Variants in EXT2 observed in about 807,000 individuals in gnomAD.
EXT2 encodes exostosin glycosyltransferase 2, also known as exostosin-2.
In EXT2, 53 loss-of-function variants were observed where a neutral mutation model predicts 81.6. That is an observed-to-expected ratio of 0.65 (90% CI 0.52 to 0.82). EXT2 has a LOEUF of 0.82. EXT2 is among the 40% of genes least tolerant of loss of function. EXT2 has a pLI of 0.00. For missense variants in EXT2, 774 were observed against 910.2 expected (o/e 0.85, Z 1.93); for synonymous variants, 320 against 340.0 (o/e 0.94, Z 0.65).
chr11:44,165,024 G>T (rs1380456913), intron 7 of EXT2, among the ~76,000 whole-genome samples: 1 of 151,626 alleles, frequency 6.6e-6, no homozygotes, highest in African/African-American at 2.4e-5. Flanking sequence ...GACTACAGGC[G>T]CCCGCCACCA....
At chr11:44,133,565 A>G (rs1327658049) in intron 7 of EXT2, among the ~76,000 whole-genome samples, 1 of 152,100 alleles carries the variant, frequency 6.6e-6, no homozygotes, top group Admixed American at 6.5e-5. Context: ...TAATTAACTC[A>G]TTTTCCCTCT....
rs1956120645 is a variant in EXT2 at position 44,249,189 on chromosome 11, G to A, written c.*4902G>A. ...TCTTTTAATTTTTTTGGAGAGACAG[G>A]GCCTCACTATGTTGCCTAGGCTGGT... On this transcript the variant is annotated 3_prime_UTR_variant, in exon 14 of 14. Coordinates refer to ENST00000533608, the MANE Select transcript of EXT2 (RefSeq NM_207122.2). Among the ~76,000 whole-genome samples the A allele has an allele frequency of 6.6e-6, 1 of 151,940 alleles. No homozygotes were observed. Among genetic ancestry groups the A allele is most frequent in the Non-Finnish European group, 1.5e-5 (1 of 67,996 alleles).
intron 10 of EXT2, among the ~76,000 whole-genome samples, chr11:44,215,349 T>C (rs549178320): frequency 4.6e-5 from 7 of 152,386 alleles, no homozygotes; most frequent in Middle Eastern, 3.4e-3. Flanking sequence ...CATTGTATTA[T>C]CTTCTTTGAC....
intron 10 of EXT2, among the ~76,000 whole-genome samples, chr11:44,216,988 G>T (rs1590655876): frequency 6.9e-6 from 1 of 145,264 alleles, no homozygotes; most frequent in African/African-American, 2.6e-5. Context: ...CACAAACAAG[G>T]CTGCGGCACA....
At chr11:44,176,123 C>T (rs1955154565) in intron 8 of EXT2, among the ~76,000 whole-genome samples, 1 of 152,150 alleles carries the variant, frequency 6.6e-6, no homozygotes, top group Non-Finnish European at 1.5e-5. Context: ...AAAAATATTA[C>T]ATCTGTTCCT....
chr11:44,168,743 G>A (rs1183215888), intron 7 of EXT2, among the ~76,000 whole-genome samples: 3 of 152,070 alleles, frequency 2.0e-5, no homozygotes. Flanking sequence ...CCTATCAAAA[G>A]TATCCTTCAA....
At chr11:44,107,166 T>TA (rs1445432363) in intron 1 of EXT2, among the ~76,000 whole-genome samples, 47 of 151,702 alleles carry the variant, frequency 3.1e-4, no homozygotes, top group African/African-American at 1.1e-3. Context: ...GTTAAATATA[T>TA]GCAGTATTAA....
At chr11:44,226,307 A>T (rs1222948412) in intron 10 of EXT2, among the ~76,000 whole-genome samples, 1 of 152,232 alleles carries the variant, frequency 6.6e-6, no homozygotes, top group African/African-American at 2.4e-5. Context: ...TCTCGGACAG[A>T]CTAAAGTGAT....
intron 7 of EXT2, among the ~76,000 whole-genome samples, chr11:44,164,942 G>A (rs1003400517): frequency 6.6e-6 from 1 of 150,442 alleles, no homozygotes; most frequent in Non-Finnish European, 1.5e-5. Context: ...GCAGTGGCGG[G>A]ATCTCGGCTC....
intron 13 of EXT2, among the ~76,000 whole-genome samples, chr11:44,242,148 C>T (rs1335846835): frequency 2.6e-5 from 4 of 152,332 alleles, no homozygotes; most frequent in East Asian, 1.9e-4. Context: ...TTCTTTAATA[C>T]GTACTTGCTA....
chr11:44,205,079 G>T (rs1471920018), intron 9 of EXT2, among the ~76,000 whole-genome samples: 3 of 152,266 alleles, frequency 2.0e-5, no homozygotes, highest in African/African-American at 7.2e-5. Flanking sequence ...ACAGACTTAG[G>T]TTCAAATACT....
intron 7 of EXT2, among the ~76,000 whole-genome samples, chr11:44,147,235 A>C (rs562577317): frequency 2.9e-4 from 44 of 152,330 alleles, no homozygotes; most frequent in African/African-American, 6.3e-4. Context: ...GCAATTTTTT[A>C]AAAACCTTTT....
intron 4 of EXT2, 93 bp downstream of exon 4, chr11:44,114,394 A>G (rs1289231386): frequency 1.8e-6 from 2 of 1,110,584 alleles, no homozygotes; most frequent in African/African-American, 3.1e-5. Context: ...CAACCAATAC[A>G]TCAGTTACAG....
intron 8 of EXT2, among the ~76,000 whole-genome samples, chr11:44,185,208 A>G (rs1343328389): frequency 4.6e-5 from 7 of 152,182 alleles, no homozygotes; most frequent in Admixed American, 3.3e-4. Context: ...CATGAGCGTT[A>G]AAACCAACTA....
At chr11:44,118,408 GA>G (rs1954253539) in intron 4 of EXT2, among the ~76,000 whole-genome samples, 1 of 151,846 alleles carries the variant, frequency 6.6e-6, no homozygotes, top group Non-Finnish European at 1.5e-5. Context: ...ATTTTATTAT[GA>G]AAATTTCCAA....
At chr11:44,173,687 G>GCCT (rs927270073) in intron 8 of EXT2, among the ~76,000 whole-genome samples, 1 of 149,030 alleles carries the variant, frequency 6.7e-6, no homozygotes, top group African/African-American at 2.5e-5. Flanking sequence ...TCCTGCCTCA[G>GCCT]CCTCCCGAGT....
intron 7 of EXT2, among the ~76,000 whole-genome samples, chr11:44,153,734 T>A (rs896600751): frequency 6.6e-6 from 1 of 152,126 alleles, no homozygotes; most frequent in African/African-American, 2.4e-5. Flanking sequence ...AGTATTGGAT[T>A]TGGTCAAAGG....
intron 10 of EXT2, among the ~76,000 whole-genome samples, chr11:44,214,175 G>A (rs1418557476): frequency 2.0e-5 from 3 of 151,794 alleles, no homozygotes; most frequent in African/African-American, 7.3e-5. Flanking sequence ...GTGCAGTGGC[G>A]CAATCTCGGC....
chr11:44,168,715 C>T (rs563443457), intron 7 of EXT2, among the ~76,000 whole-genome samples: 4 of 152,292 alleles, frequency 2.6e-5, no homozygotes, highest in Admixed American at 2.0e-4. Flanking sequence ...AAGAAAATTG[C>T]TAACCTAGAA....
Sources: allele counts gnomAD v4.1 joint callset (sites outside exome capture counted in the v4.1 genomes callset), GRCh38; gene constraint gnomAD v4.1.1; transcripts MANE v1.5; gene names NCBI Gene and HGNC (gene_info 2026-07-23, HGNC 2026-07-21).